Variants in SH3KBP1 observed in about 807,000 individuals in gnomAD.
The protein encoded by SH3KBP1 is SH3 domain-containing kinase-binding protein 1.
Under a neutral mutation model 50.1 loss-of-function variants are expected in SH3KBP1, and 8 were observed. The observed-to-expected ratio is 0.16, with a 90% CI of 0.09 to 0.29. The LOEUF (loss-of-function observed/expected upper bound fraction) is 0.29. Among genes scored for constraint, SH3KBP1 ranks in the 10% least tolerant of loss-of-function variants. SH3KBP1 has a pLI of 1.00. For synonymous variants in SH3KBP1, 227 were observed against 218.6 expected (o/e 1.04, Z -0.34); for missense variants, 377 against 535.2 (o/e 0.70, Z 2.92).
chrX:19,880,458 G>A (rs888531145), intron 1 of SH3KBP1, among the ~76,000 whole-genome samples: 2 of 112,756 alleles, frequency 1.8e-5, no homozygotes, highest in African/African-American at 6.4e-5. Flanking sequence ...AGGAAATGTT[G>A]TATCACTTTA....
chrX:19,689,675 T>G (rs2063241003), intron 5 of SH3KBP1, among the ~76,000 whole-genome samples: 1 of 112,123 alleles, frequency 8.9e-6, no homozygotes, highest in Non-Finnish European at 1.9e-5. Context: ...TTGATCTTAC[T>G]GGGGGAAATA....
intron 12 of SH3KBP1, among the ~76,000 whole-genome samples, chrX:19,583,380 C>T (rs1286888304): frequency 2.7e-5 from 3 of 110,413 alleles, no homozygotes; most frequent in South Asian, 3.8e-4. Context: ...GTCTCAAACT[C>T]CTGACCTCAG....
At chrX:19,735,210 A>G (rs1452200970) in intron 3 of SH3KBP1, among the ~76,000 whole-genome samples, 1 of 111,601 alleles carries the variant, frequency 9.0e-6, no homozygotes, top group Non-Finnish European at 1.9e-5. Context: ...TTTCTTGATC[A>G]GTGTAGATAA....
intron 6 of SH3KBP1, among the ~76,000 whole-genome samples, chrX:19,672,821 C>T (rs959969707): frequency 9.0e-6 from 1 of 110,526 alleles, no homozygotes; most frequent in Admixed American, 9.6e-5. Flanking sequence ...CTTTGGGAGG[C>T]CAAGGTGTGC....
intron 3 of SH3KBP1, among the ~76,000 whole-genome samples, chrX:19,733,780 A>T (rs1405832200): frequency 9.0e-6 from 1 of 111,558 alleles, no homozygotes; most frequent in Non-Finnish European, 1.9e-5. Context: ...ACCAGTAAAA[A>T]AAAAAATAAG....
At chrX:19,625,218 G>C (rs2067977885) in intron 8 of SH3KBP1, among the ~76,000 whole-genome samples, 2 of 111,670 alleles carry the variant, frequency 1.8e-5, no homozygotes, top group African/African-American at 6.5e-5. Flanking sequence ...ACATGTTTTA[G>C]TTCATTAATG....
intron 2 of SH3KBP1, among the ~76,000 whole-genome samples, chrX:19,825,647 G>A (rs953322872): frequency 2.7e-5 from 3 of 111,906 alleles, no homozygotes; most frequent in African/African-American, 6.5e-5. Flanking sequence ...GCTGAGGCAG[G>A]TGGATTGCTT....
intron 3 of SH3KBP1, among the ~76,000 whole-genome samples, chrX:19,732,574 C>A (rs1042175219): frequency 2.0e-5 from 2 of 99,236 alleles, no homozygotes; most frequent in African/African-American, 7.5e-5. Context: ...ATATAAAATT[C>A]CTTAATTTGG....
chrX:19,886,748 A>C (rs934874008), intron 1 of SH3KBP1, among the ~76,000 whole-genome samples: 3 of 110,373 alleles, frequency 2.7e-5, no homozygotes, highest in Non-Finnish European at 5.7e-5. Context: ...GAGGAGCGTC[A>C]GGTGCTCTGG....
intron 1 of SH3KBP1, among the ~76,000 whole-genome samples, chrX:19,861,663 T>C (rs1463252923): frequency 1.8e-5 from 2 of 111,249 alleles, no homozygotes; most frequent in African/African-American, 3.3e-5. Flanking sequence ...AAATAGGTGA[T>C]CTTTACAGAT....
chrX:19,828,862 G>C (rs928307765), intron 2 of SH3KBP1, among the ~76,000 whole-genome samples: 1 of 111,910 alleles, frequency 8.9e-6, no homozygotes, highest in Non-Finnish European at 1.9e-5. Flanking sequence ...GGGAGATTGG[G>C]TTCTGTGCAT....
At chrX:19,698,636 G>C (rs1193989105) in intron 4 of SH3KBP1, among the ~76,000 whole-genome samples, 1 of 111,925 alleles carries the variant, frequency 8.9e-6, no homozygotes, top group Non-Finnish European at 1.9e-5. Flanking sequence ...GCCCTTCATG[G>C]GGGTGGTGGG....
intron 2 of SH3KBP1, among the ~76,000 whole-genome samples, chrX:19,784,519 AAT>A (rs1242150384): frequency 2.0e-4 from 22 of 111,787 alleles, no homozygotes; most frequent in Non-Finnish European, 3.6e-4. Context: ...GGGCAGTGAA[AAT>A]ATGTCTATCC....
chrX:19,715,253 G>A (rs1452713937), intron 3 of SH3KBP1, among the ~76,000 whole-genome samples: 3 of 93,073 alleles, frequency 3.2e-5, no homozygotes, highest in African/African-American at 8.3e-5. Context: ...CAGCCTGGGC[G>A]ACAGAGTGAG....
intron 12 of SH3KBP1, among the ~76,000 whole-genome samples, chrX:19,575,878 C>T (rs2066181096): frequency 8.9e-6 from 1 of 111,934 alleles, no homozygotes; most frequent in Non-Finnish European, 1.9e-5. Context: ...GATGCAGCCC[C>T]TCAGTGGTCC....
chrX:19,877,212 A>G (rs2069280682), intron 1 of SH3KBP1, among the ~76,000 whole-genome samples: 1 of 112,222 alleles, frequency 8.9e-6, no homozygotes, highest in African/African-American at 3.2e-5. Context: ...CATTTCGGTC[A>G]AGTTGTGAAG....
In SH3KBP1 at chrX:19,684,038, G is replaced by A; in HGVS notation, c.521-10C>T. On this transcript the variant is annotated splice_polypyrimidine_tract_variant and intron_variant, in intron 5 of 17. Coordinates refer to ENST00000397821, the MANE Select transcript of SH3KBP1 (RefSeq NM_031892.3). ...GTGGTTTCCCTTAAACCTGTCAAGA[G>A]TGGGGATGGGGAGAGAAAGAGCTCA... is the stretch of plus-strand genomic sequence containing the variant. 4.2e-6 allele frequency: 5 copies of A among 1,190,529 alleles called. No individual in the cohort carries two copies. Among genetic ancestry groups the A allele is most frequent in the Non-Finnish European group, 5.7e-6 (5 of 877,346 alleles).
At chrX:19,725,145 A>G (rs1394472951) in intron 3 of SH3KBP1, among the ~76,000 whole-genome samples, 1 of 110,805 alleles carries the variant, frequency 9.0e-6, no homozygotes, top group African/African-American at 3.3e-5. Context: ...AAGGTTGGTA[A>G]TGCCACCAAC....
At chrX:19,752,691 C>T (rs1215944740) in intron 2 of SH3KBP1, among the ~76,000 whole-genome samples, 3 of 112,179 alleles carry the variant, frequency 2.7e-5, no homozygotes, top group African/African-American at 9.7e-5. Flanking sequence ...ACTTCTAAGA[C>T]CTCTGCACTT....
Sources: gnomAD v4.1 joint callset for allele counts (sites outside exome capture counted in the v4.1 genomes callset) on GRCh38, gnomAD v4.1.1 for gene constraint, MANE v1.5 for transcripts, NCBI Gene and HGNC (gene_info 2026-07-23, HGNC 2026-07-21) for gene names.